The following CALCRL variants were observed in gnomAD, a reference collection of about 807,000 sequenced individuals.
The protein encoded by CALCRL is calcitonin gene-related peptide type 1 receptor.
A neutral mutation model predicts 60.4 loss-of-function variants in CALCRL; 27 were observed. The ratio of observed to expected loss-of-function variants is 0.45; its 90% confidence interval spans 0.33 to 0.62. The LOEUF is 0.62. Among genes scored for constraint, CALCRL ranks in the 20% least tolerant of loss-of-function variants. CALCRL has a pLI of 0.03. For synonymous variants in CALCRL, 190 were observed against 182.6 expected (o/e 1.04, Z -0.33); for missense variants, 424 against 540.7 (o/e 0.78, Z 2.14).
At chr2:187,355,190 C>G (rs974752728) in intron 12 of CALCRL, among the ~76,000 whole-genome samples, 1 of 151,966 alleles carries the variant, frequency 6.6e-6, no homozygotes, top group African/African-American at 2.4e-5. Context: ...AAAACAAAGA[C>G]ACAGAGAGGT....
At chr2:187,373,702 C>T (rs539380426) in intron 8 of CALCRL, among the ~76,000 whole-genome samples, 29 of 152,306 alleles carry the variant, frequency 1.9e-4, no homozygotes, top group African/African-American at 6.5e-4. Flanking sequence ...TCACTGATAA[C>T]ACTGCCATTA....
chr2:187,400,901 G>A (rs1426414060), intron 1 of CALCRL, among the ~76,000 whole-genome samples: 2 of 151,582 alleles, frequency 1.3e-5, no homozygotes, highest in African/African-American at 4.8e-5. Flanking sequence ...AATAGAGAGT[G>A]ATTGCTAATG....
chr2:187,427,401 G>A (rs1426784842), intron 1 of CALCRL, among the ~76,000 whole-genome samples: 1 of 152,128 alleles, frequency 6.6e-6, no homozygotes, highest in South Asian at 2.1e-4. Context: ...TGTTGCATTT[G>A]AGAACCATTA....
At chr2:187,408,352 T>C (rs999545123) in intron 1 of CALCRL, among the ~76,000 whole-genome samples, 21 of 152,170 alleles carry the variant, frequency 1.4e-4, no homozygotes, top group African/African-American at 5.1e-4. Flanking sequence ...CCCTTATTAA[T>C]AAATGAATAG....
intron 1 of CALCRL, among the ~76,000 whole-genome samples, chr2:187,418,314 T>C (rs986337265): frequency 6.6e-6 from 1 of 152,210 alleles, no homozygotes; most frequent in African/African-American, 2.4e-5. Flanking sequence ...ATTGGGCATA[T>C]AATTTTATAA....
At chr2:187,444,691 AGTG>A in intron 1 of CALCRL, among the ~76,000 whole-genome samples, 1 of 151,576 alleles carries the variant, frequency 6.6e-6, no homozygotes, top group Non-Finnish European at 1.5e-5. Context: ...GTTCACAGGC[AGTG>A]ATACTATTTT....
intron 1 of CALCRL, among the ~76,000 whole-genome samples, chr2:187,393,263 A>T (rs1265907409): frequency 6.6e-6 from 1 of 152,078 alleles, no homozygotes; most frequent in Non-Finnish European, 1.5e-5. Context: ...AGGAACCTGC[A>T]TGTTTAGTAA....
In CALCRL at chr2:187,380,723, T is replaced by A. The variant is rs1574252000; in HGVS notation, c.249A>T (p.Glu83Asp). Residue 83 changes from glutamate to aspartate, a missense_variant, in exon 6 of 15, where the codon GAA becomes GAT. Around this residue, in one of 7 missense-constraint regions of CALCRL, gnomAD observed 108 missense variants for 132.9 expected, o/e 0.81. Coordinates refer to ENST00000392370, the MANE Select transcript of CALCRL (RefSeq NM_005795.6). ...AGTAATCAGGGCAGAGCTGCATTGA[T>A]TCAGTTCCTGCTGCAACATCGTTCC... ...LCWNDVAAGT[E>D]SMQLCPDYFQ... 2 of 1,614,140 alleles carry A rather than the reference T, an allele frequency of 1.2e-6. No homozygotes were observed. Among genetic ancestry groups the A allele is most frequent in the Non-Finnish European group, 8.5e-7 (1 of 1,179,994 alleles).
At chr2:187,436,440 C>T (rs1690649255) in intron 1 of CALCRL, among the ~76,000 whole-genome samples, 1 of 152,168 alleles carries the variant, frequency 6.6e-6, no homozygotes, top group Admixed American at 6.5e-5. Context: ...ATGACCCCTC[C>T]ACTTAAAAGC....
intron 1 of CALCRL, among the ~76,000 whole-genome samples, chr2:187,407,784 T>C (rs1417810818): frequency 6.6e-6 from 1 of 152,040 alleles, no homozygotes; most frequent in East Asian, 1.9e-4. Context: ...AAAATTCAAA[T>C]AGCACTACAT....
At chr2:187,358,815 G>A (rs1384774557) in intron 12 of CALCRL, among the ~76,000 whole-genome samples, 2 of 151,996 alleles carry the variant, frequency 1.3e-5, no homozygotes, top group South Asian at 2.1e-4. Context: ...CTCTCTTCAG[G>A]TCTAGCTGTG....
intron 1 of CALCRL, among the ~76,000 whole-genome samples, chr2:187,392,049 A>C (rs1400012658): frequency 6.6e-6 from 1 of 152,112 alleles, no homozygotes; most frequent in Admixed American, 6.6e-5. Flanking sequence ...ATAAGAACAC[A>C]AAAAAACATA....
intron 1 of CALCRL, among the ~76,000 whole-genome samples, chr2:187,405,259 T>G (rs1396897912): frequency 6.6e-6 from 1 of 151,988 alleles, no homozygotes; most frequent in Non-Finnish European, 1.5e-5. Context: ...TTGAGTAAAA[T>G]TATATGTGAA....
chr2:187,422,691 T>C (rs1241479691), intron 1 of CALCRL, among the ~76,000 whole-genome samples: 2 of 152,006 alleles, frequency 1.3e-5, no homozygotes, highest in Non-Finnish European at 2.9e-5. Flanking sequence ...CCTAATCTTG[T>C]CTTTTAGAAA....
At chr2:187,363,729 A>G (rs1341893569) in intron 8 of CALCRL, among the ~76,000 whole-genome samples, 3 of 152,182 alleles carry the variant, frequency 2.0e-5, no homozygotes, top group African/African-American at 7.2e-5. Flanking sequence ...ATACATAGGG[A>G]TAGAAAATTT....
chr2:187,368,912 G>T (rs73979873), intron 8 of CALCRL, among the ~76,000 whole-genome samples: 2 of 152,084 alleles, frequency 1.3e-5, no homozygotes, highest in Non-Finnish European at 2.9e-5. Context: ...ACTATCTTTT[G>T]TCTATTCAAT....
intron 12 of CALCRL, among the ~76,000 whole-genome samples, chr2:187,356,688 G>C (rs947134654): frequency 6.6e-6 from 1 of 151,972 alleles, no homozygotes; most frequent in South Asian, 2.1e-4. Flanking sequence ...CTTCTGCACA[G>C]CAAAACAATC....
At chr2:187,439,430 G>A (rs561091681) in intron 1 of CALCRL, among the ~76,000 whole-genome samples, 5 of 152,018 alleles carry the variant, frequency 3.3e-5, no homozygotes, top group Admixed American at 1.3e-4. Flanking sequence ...CTCCAGCCTG[G>A]GCAACAGAGC....
intron 1 of CALCRL, among the ~76,000 whole-genome samples, chr2:187,447,265 A>AC (rs57817323): frequency 0.16 from 23,685 of 151,772 alleles, 2,379 homozygotes; most frequent in East Asian, 0.37. Flanking sequence ...GTGGTATCAC[A>AC]CCCCCCTCCA....
Sources: allele counts gnomAD v4.1 joint callset (sites outside exome capture counted in the v4.1 genomes callset), GRCh38; gene constraint gnomAD v4.1.1; regional missense constraint gnomAD v4.1.1; transcripts MANE v1.5; gene names NCBI Gene and HGNC (gene_info 2026-07-23, HGNC 2026-07-21).